MARCHF3: variants seen among roughly 807,000 people sequenced by gnomAD.
MARCHF3 encodes membrane associated ring-CH-type finger 3, also known as E3 ubiquitin-protein ligase MARCHF3.
MARCHF3 carries 13 observed loss-of-function variants against 24.2 expected under a neutral mutation model. The observed-to-expected ratio is 0.54, with a 90% CI of 0.35 to 0.85. The LOEUF is 0.85. Ranked by LOEUF, MARCHF3 falls within the 40% of genes least tolerant of loss-of-function variation. The pLI is 0.01. For missense variants in MARCHF3, 276 were observed against 325.0 expected (o/e 0.85, Z 1.16); for synonymous variants, 144 against 137.3 (o/e 1.05, Z -0.34).
At chr5:126,931,260 T>C (rs1749471210) in intron 1 of MARCHF3, among the ~76,000 whole-genome samples, 1 of 152,114 alleles carries the variant, frequency 6.6e-6, no homozygotes, top group African/African-American at 2.4e-5. Context: ...GGTTTTTGGT[T>C]TCCCTAGAAT....
chr5:126,905,600 G>T (rs1754261485), intron 3 of MARCHF3, among the ~76,000 whole-genome samples: 1 of 151,940 alleles, frequency 6.6e-6, no homozygotes, highest in South Asian at 2.1e-4. Context: ...GTTCACTCAT[G>T]ATTTGGCTCT....
chr5:126,973,908 T>G (rs1445313818), intron 1 of MARCHF3, among the ~76,000 whole-genome samples: 2 of 86,648 alleles, frequency 2.3e-5, no homozygotes, highest in African/African-American at 1.0e-4. Flanking sequence ...TTTTTTTTTT[T>G]GAGACGGAGT....
Position 126,914,962 on chromosome 5 carries a change from C to T in MARCHF3, c.361G>A (p.Ala121Thr). 6.2e-7 allele frequency: 1 copy of T among 1,614,232 alleles called. No homozygotes were observed. Among genetic ancestry groups the T allele is most frequent in the Non-Finnish European group, 8.5e-7 (1 of 1,180,056 alleles). Residue 121 changes from alanine to threonine, a missense_variant, in exon 3 of 5, where the codon GCA becomes ACA. Transcript: ENST00000308660. ...SYCELCHFRFAVERKPRPLVE... is the reference protein window; with the variant it reads ...SYCELCHFRFTVERKPRPLVE... ...AACGGCCTGGGTTTGCGCTCGACTG[C>T]AAACCTGAAGTGGCAGAGTTCACAG...
intron 1 of MARCHF3, among the ~76,000 whole-genome samples, chr5:126,997,662 T>C (rs1435692574): frequency 6.6e-6 from 1 of 152,240 alleles, no homozygotes. Context: ...TCTATTCAGT[T>C]ATTTTTCTAA....
chr5:126,930,347 T>C (rs1226666364), intron 1 of MARCHF3, among the ~76,000 whole-genome samples: 2 of 152,192 alleles, frequency 1.3e-5, no homozygotes, highest in African/African-American at 4.8e-5. Flanking sequence ...TACCCGTCCC[T>C]CAGGAAAAAT....
At chr5:126,896,354 G>A (rs1270421962) in intron 3 of MARCHF3, among the ~76,000 whole-genome samples, 1 of 152,128 alleles carries the variant, frequency 6.6e-6, no homozygotes, top group Non-Finnish European at 1.5e-5. Context: ...TTCTTAAGGG[G>A]TAAGGGGTAA....
At chr5:127,002,396 A>T (rs944229569) in intron 1 of MARCHF3, among the ~76,000 whole-genome samples, 1 of 152,190 alleles carries the variant, frequency 6.6e-6, no homozygotes, top group African/African-American at 2.4e-5. Context: ...TTAAAGATGT[A>T]CCAGCCTGTC....
At chr5:126,874,491 C>G (rs1753078524) in intron 4 of MARCHF3, among the ~76,000 whole-genome samples, 2 of 151,454 alleles carry the variant, frequency 1.3e-5, no homozygotes, top group Admixed American at 1.3e-4. Context: ...GAGGCTGAAG[C>G]AGGAGAATCG....
chr5:126,951,161 CTCTT>C (rs1580674393), intron 1 of MARCHF3, among the ~76,000 whole-genome samples: 2 of 152,180 alleles, frequency 1.3e-5, no homozygotes, highest in Admixed American at 1.3e-4. Context: ...TCATTGTTTT[CTCTT>C]TCTATTGCGA....
intron 1 of MARCHF3, among the ~76,000 whole-genome samples, chr5:126,940,090 TG>T (rs1749777807): frequency 6.6e-6 from 1 of 152,146 alleles, no homozygotes; most frequent in African/African-American, 2.4e-5. Context: ...CACTTTTTAA[TG>T]TGTGAGAGTT....
intron 1 of MARCHF3, among the ~76,000 whole-genome samples, chr5:127,016,816 T>C (rs942906091): frequency 2.6e-4 from 39 of 152,200 alleles, no homozygotes; most frequent in African/African-American, 9.2e-4. Context: ...CCTATATGTA[T>C]TGCGGCACTA....
intron 1 of MARCHF3, among the ~76,000 whole-genome samples, chr5:126,984,540 T>G (rs991313125): frequency 1.3e-5 from 2 of 152,206 alleles, no homozygotes; most frequent in African/African-American, 4.8e-5. Flanking sequence ...TGGCGAGAGC[T>G]GGGCTTCCAG....
chr5:126,918,714 A>AAAT (rs1348564801), intron 1 of MARCHF3, among the ~76,000 whole-genome samples: 7 of 152,262 alleles, frequency 4.6e-5, no homozygotes, highest in African/African-American at 1.7e-4. Flanking sequence ...AGGAAAATAA[A>AAAT]AATGAATTTG....
intron 3 of MARCHF3, among the ~76,000 whole-genome samples, chr5:126,880,082 C>T (rs1238039093): frequency 6.6e-6 from 1 of 152,026 alleles, no homozygotes; most frequent in Admixed American, 6.6e-5. Flanking sequence ...CATGCTCAAG[C>T]ATGGAACGAC....
intron 1 of MARCHF3, among the ~76,000 whole-genome samples, chr5:126,935,817 G>C (rs984471330): frequency 2.0e-5 from 3 of 151,690 alleles, no homozygotes; most frequent in African/African-American, 7.3e-5. Context: ...CACCATGTTG[G>C]GCAGGCTAGT....
rs370472268 is a variant in MARCHF3, at chr5:126,878,286, G to A, written c.502C>T (p.Arg168Trp). ...AAGTGCAGGTGGTCCACGGCGCCCCGCAGGCACAGCCAGCCCGAGATGGTG... is the reference window on the plus strand; with the variant it reads ...AAGTGCAGGTGGTCCACGGCGCCCCACAGGCACAGCCAGCCCGAGATGGTG... Reference protein sequence around the residue: ...LATISGWLCLRGAVDHLHFSS... With the variant: ...LATISGWLCLWGAVDHLHFSS... Residue 168 changes from arginine (R) to tryptophan (W), a missense_variant, in exon 4 of 5, where the codon CGG becomes TGG. Coordinates refer to ENST00000308660, the MANE Select transcript of MARCHF3 (RefSeq NM_178450.5). The A allele has an allele frequency of 5.6e-6, 9 of 1,614,112 alleles. No homozygotes were observed. Among genetic ancestry groups the A allele is most frequent in the African/African-American group, 4.0e-5 (3 of 74,940 alleles).
At chr5:127,014,468 G>C (rs1752568601) in intron 1 of MARCHF3, among the ~76,000 whole-genome samples, 1 of 152,116 alleles carries the variant, frequency 6.6e-6, no homozygotes. Flanking sequence ...TTTATCCAAA[G>C]GAAAGCAAGT....
chr5:127,008,887 T>C (rs1392350216), intron 1 of MARCHF3, among the ~76,000 whole-genome samples: 1 of 35,792 alleles, frequency 2.8e-5, no homozygotes, highest in Non-Finnish European at 5.5e-5. Context: ...AAAAATTTAT[T>C]TATTTATTTA....
At chr5:126,881,293 G>A (rs1341538555) in intron 3 of MARCHF3, among the ~76,000 whole-genome samples, 1 of 152,066 alleles carries the variant, frequency 6.6e-6, no homozygotes, top group Non-Finnish European at 1.5e-5. Flanking sequence ...GTTAAATTGT[G>A]TATCTTCTGC....
Sources: allele counts gnomAD v4.1 joint callset (sites outside exome capture counted in the v4.1 genomes callset), GRCh38; gene constraint gnomAD v4.1.1; transcripts MANE v1.5; gene names NCBI Gene and HGNC (gene_info 2026-07-23, HGNC 2026-07-21).